Variants in COX18 observed in about 807,000 individuals in gnomAD.
COX18 encodes the protein cytochrome c oxidase assembly protein COX18, mitochondrial.
COX18 carries 45 observed loss-of-function variants against 38.0 expected under a neutral mutation model. That is an observed-to-expected ratio of 1.18 (90% CI 0.93 to 1.52). The LOEUF (loss-of-function observed/expected upper bound fraction) is 1.52, where lower values mean the gene tolerates loss of function less well. Ranked by LOEUF, COX18 falls within the 40% of genes most tolerant of loss-of-function variation. The pLI, the probability that COX18 is intolerant of heterozygous loss-of-function variation, is 0.00. For synonymous variants in COX18, 177 were observed against 169.8 expected (o/e 1.04, Z -0.33); for missense variants, 462 against 423.8 (o/e 1.09, Z -0.79).
rs181542154 is a variant in COX18 at position 73,052,421 on chromosome 4, A to G, written c.*5693T>C. On this transcript the variant is annotated 3_prime_UTR_variant, in exon 6 of 6. Transcript: ENST00000507544. ...ATTTATATTCTTATTTTAGTTGTAT[A>G]CACAGTACAGAACCACAGCGTTCCA... is the stretch of plus-strand genomic sequence containing the variant. 7 of 152,208 alleles carry G rather than the reference A, an allele frequency of 4.6e-5. No homozygotes were observed. Among genetic ancestry groups the G allele is most frequent in the Non-Finnish European group, 5.9e-5 (4 of 68,012 alleles). The allele number at this position is 152,208 out of a possible 1,614,324, so 9.4% of individuals were successfully genotyped here.
chr4:73,060,879 CA>C (rs34253453), intron 5 of COX18, among the ~76,000 whole-genome samples: 92,853 of 127,194 alleles, frequency 0.73, 35,297 homozygotes, highest in Non-Finnish European at 0.85. Flanking sequence ...GACTCCATCT[CA>C]AAAAAAAAAA....
At chr4:73,063,075 C>T (rs908039300) in intron 4 of COX18, among the ~76,000 whole-genome samples, 10 of 152,130 alleles carry the variant, frequency 6.6e-5, no homozygotes, top group African/African-American at 1.2e-4. Flanking sequence ...GAGGCTGAGG[C>T]GGGCGGATCA....
rs1003444546 is a variant in COX18 at position 73,069,501 on chromosome 4, T to C, written c.149A>G (p.His50Arg). ...CAGGGCCTCGTACCAGCCGTTCGCATGTACTGCAGAGACTGGTGCCACTGC... is the reference window on the plus strand; with the variant it reads ...CAGGGCCTCGTACCAGCCGTTCGCACGTACTGCAGAGACTGGTGCCACTGC... ...VWAVAPVSAV[H>R]ANGWYEALAA... The change falls in exon 1 of 6, where the codon CAT (histidine) becomes CGT (arginine). Residue 50 changes from histidine (H) to arginine (R), a missense_variant. Physicochemically the swap from His to Arg is conservative, Grantham distance 29. Transcript: ENST00000507544. 1.9e-6 allele frequency: 3 copies of C among 1,592,230 alleles called. No homozygotes were observed. Among genetic ancestry groups the C allele is most frequent in the Non-Finnish European group, 2.6e-6 (3 of 1,170,122 alleles).
At chr4:73,063,288 A>C (rs1022237753) in intron 4 of COX18, among the ~76,000 whole-genome samples, 1 of 152,046 alleles carries the variant, frequency 6.6e-6, no homozygotes, top group Non-Finnish European at 1.5e-5. Context: ...CCTAGGAAAC[A>C]GAGTGAGACT....
At chr4:73,062,473 C>G (rs180907597) in intron 4 of COX18, among the ~76,000 whole-genome samples, 1 of 152,200 alleles carries the variant, frequency 6.6e-6, no homozygotes, top group Admixed American at 6.5e-5. Flanking sequence ...GCTATTGTCA[C>G]AGGATTCTTC....
Position 73,053,217 on chromosome 4 carries a change from A to C in COX18, c.*4897T>G, listed in dbSNP as rs1719789103. On this transcript the variant is annotated 3_prime_UTR_variant, in exon 6 of 6. Coordinates refer to ENST00000507544, the MANE Select transcript of COX18 (RefSeq NM_001297732.2). Reference sequence around the variant, plus strand: ...CCATTTTCAAGGCATGATAAATCTAAGCACTGGCAGCCAGCCTTGGTATGT... The same window carrying C: ...CCATTTTCAAGGCATGATAAATCTACGCACTGGCAGCCAGCCTTGGTATGT... 1 of 152,250 alleles carries C rather than the reference A, an allele frequency of 6.6e-6. No individual in the cohort carries two copies. The highest frequency in any genetic ancestry group is 1.5e-5 in the Non-Finnish European group (1 of 68,070). The allele number at this position is 152,250 out of a possible 1,614,324, so 9.4% of individuals were successfully genotyped here.
At position 73,054,453 on chromosome 4, in the gene COX18, T is replaced by C. The variant is rs1489997854; in HGVS notation, c.*3661A>G. The stretch of plus-strand genomic sequence containing the variant: ...CAGGTAACTGATTCACTTCAGTTCA[T>C]AATACACCAGTTTTCTTTATACATG... On this transcript the variant is annotated 3_prime_UTR_variant, in exon 6 of 6. Transcript: ENST00000507544. The C allele has an allele frequency of 6.6e-6, 1 of 152,234 alleles. No homozygotes were observed. The highest frequency in any genetic ancestry group is 1.5e-5 in the Non-Finnish European group (1 of 68,044). 9.4% of individuals were successfully genotyped at this position (152,234 alleles called of 1,614,324 possible). A position where few individuals can be genotyped will look rare whatever the true frequency, so the allele number is the denominator to read the frequency against.
At chr4:73,063,316 C>A (rs1001379432) in intron 4 of COX18, among the ~76,000 whole-genome samples, 5 of 151,760 alleles carry the variant, frequency 3.3e-5, no homozygotes, top group Admixed American at 6.6e-5. Context: ...AAGAAAAAAA[C>A]AAACAAACAA....
intron 4 of COX18, among the ~76,000 whole-genome samples, chr4:73,064,228 G>A (rs1367152620): frequency 1.3e-5 from 2 of 149,618 alleles, no homozygotes; most frequent in African/African-American, 2.5e-5. Flanking sequence ...ACTCCGGCCT[G>A]GGCAACAAGA....
In COX18 at chr4:73,069,465, G is replaced by A; in HGVS notation, c.185C>T (p.Ser62Leu). ...NGWYEALAASSPVRVAEEVLL... is the reference protein window; with the variant it reads ...NGWYEALAASLPVRVAEEVLL... ...TACTTCCTCCGCAACCCGCACCGGCGAAGACGCGGCCAGGGCCTCGTACCA... is the reference window on the plus strand; with the variant it reads ...TACTTCCTCCGCAACCCGCACCGGCAAAGACGCGGCCAGGGCCTCGTACCA... Residue 62 changes from serine (S) to leucine (L), a missense_variant, in exon 1 of 6, where the codon TCG becomes TTG. Transcript: ENST00000507544. The A allele has an allele frequency of 6.3e-7, 1 of 1,583,594 alleles. No individual in the cohort carries two copies. Among genetic ancestry groups the A allele is most frequent in the Non-Finnish European group, 8.6e-7 (1 of 1,163,572 alleles).
Position 73,052,460 on chromosome 4 carries a change from A to G in COX18, c.*5654T>C, listed in dbSNP as rs1385392628. 6.6e-6 allele frequency: 1 copy of G among 152,160 alleles called. No individual in the cohort carries two copies. The highest frequency in any genetic ancestry group is 1.5e-5 in the Non-Finnish European group (1 of 68,034). 9.4% of individuals were successfully genotyped at this position (152,160 alleles called of 1,614,324 possible). ...CACAGCGTTCCAGAAACTTTTGGGT[A>G]AATAAAATTATCTGACTTTAATGCT... On this transcript the variant is annotated 3_prime_UTR_variant, in exon 6 of 6. Transcript: ENST00000507544.
chr4:73,063,829 C>T (rs940574744), intron 4 of COX18, among the ~76,000 whole-genome samples: 52 of 152,170 alleles, frequency 3.4e-4, no homozygotes, highest in African/African-American at 1.1e-3. Context: ...CACAAACAGG[C>T]ATCAGAGGTC....
At position 73,056,507 on chromosome 4, in the gene COX18, T is replaced by C. The variant is rs1436944972; in HGVS notation, c.*1607A>G. 6.6e-6 allele frequency: 1 copy of C among 152,248 alleles called. No homozygotes were observed. Among genetic ancestry groups the C allele is most frequent in the African/African-American group, 2.4e-5 (1 of 41,464 alleles). 9.4% of individuals were successfully genotyped at this position (152,248 alleles called of 1,614,324 possible). On this transcript the variant is annotated 3_prime_UTR_variant, in exon 6 of 6. Transcript: ENST00000507544. The stretch of plus-strand genomic sequence containing the variant: ...ACTTCTTAAATTATAGAAAAAGGAA[T>C]GTACACTTTTTGTATTCTTTCTGAG...
rs770980132 is a variant in COX18, at chr4:73,069,677, C to T, written c.-28G>A. On this transcript the variant is annotated 5_prime_UTR_variant, in exon 1 of 6. Transcript: ENST00000507544. ...CTGCACCACGGCGGAGCCCAGATCC[C>T]GGGCCTCACAATCCAGCGGACATAC... 6.5e-7 allele frequency: 1 copy of T among 1,535,712 alleles called. No homozygotes were observed. The highest frequency in any genetic ancestry group is 2.4e-5 in the East Asian group (1 of 41,202).
intron 4 of COX18, among the ~76,000 whole-genome samples, chr4:73,063,528 T>G (rs1009422469): frequency 6.6e-6 from 1 of 152,172 alleles, no homozygotes; most frequent in Non-Finnish European, 1.5e-5. Flanking sequence ...TAGCTGGAAC[T>G]AGAGGCGCAC....
intron 2 of COX18, among the ~76,000 whole-genome samples, 165 bp downstream of exon 2, chr4:73,067,864 A>AAAAAAAAAAAAAAAAAAAAATATAT: frequency 5.0e-5 from 1 of 20,010 alleles, no homozygotes; most frequent in African/African-American, 9.1e-5. Context: ...AAAAAAAAAA[A>AAAAAAAAAAAAAAAAAAAAATATAT]ATATATATAT....
At chr4:73,067,986 GTGTA>G (rs759758031) in intron 2 of COX18, 39 bp downstream of exon 2, 141 of 944,106 alleles carry the variant, frequency 1.5e-4, no homozygotes, top group Middle Eastern at 8.7e-4. Context: ...GTGTGTGTGT[GTGTA>G]TGTGTGCGTA....
intron 4 of COX18, among the ~76,000 whole-genome samples, chr4:73,062,405 T>TA (rs1313635739): frequency 6.6e-6 from 1 of 151,964 alleles, no homozygotes; most frequent in Non-Finnish European, 1.5e-5. Flanking sequence ...GTCAAATTCT[T>TA]AAACGGAGGT....
intron 4 of COX18, among the ~76,000 whole-genome samples, chr4:73,063,980 A>G (rs1410297392): frequency 6.6e-6 from 1 of 152,164 alleles, no homozygotes; most frequent in East Asian, 1.9e-4. Context: ...AGCCTGTGAT[A>G]AGGGTTAAGA....
Sources: gnomAD v4.1 joint callset for allele counts (sites outside exome capture counted in the v4.1 genomes callset) on GRCh38, gnomAD v4.1.1 for gene constraint, MANE v1.5 for transcripts, NCBI Gene and HGNC (gene_info 2026-07-23, HGNC 2026-07-21) for gene names.